Variants in CSNK2A2IP observed in about 807,000 individuals in gnomAD.
CSNK2A2IP encodes casein kinase 2 subunit alpha' interacting protein.
chr3:88,358,134 G>A, the CSNK2A2IP span, among the ~76,000 whole-genome samples: 1 of 152,108 alleles, frequency 6.6e-6, no homozygotes, highest in Non-Finnish European at 1.5e-5. Flanking sequence ...TTCCTTTCCA[G>A]ATTGTTTACT....
chr3:88,340,323 G>A, the CSNK2A2IP span, among the ~76,000 whole-genome samples: 1 of 152,034 alleles, frequency 6.6e-6, no homozygotes, highest in Non-Finnish European at 1.5e-5. Flanking sequence ...TGTTAACACT[G>A]CTTCTGTGAT....
the CSNK2A2IP span, among the ~76,000 whole-genome samples, chr3:88,394,934 T>G: frequency 1.3e-5 from 2 of 152,190 alleles, no homozygotes; most frequent in African/African-American, 4.8e-5. Flanking sequence ...AATTGAGTAC[T>G]GGGCTTAACA....
the CSNK2A2IP span, among the ~76,000 whole-genome samples, chr3:88,426,506 T>C: frequency 6.6e-6 from 1 of 152,242 alleles, no homozygotes; most frequent in African/African-American, 2.4e-5. Context: ...GGTTTGGCTC[T>C]GTGTTCGCAC....
At chr3:88,444,035 A>G in the CSNK2A2IP span, among the ~76,000 whole-genome samples, 1 of 152,108 alleles carries the variant, frequency 6.6e-6, no homozygotes, top group Non-Finnish European at 1.5e-5. Flanking sequence ...ATAGTCACAG[A>G]TAATATTTTT....
chr3:88,458,155 T>G, the CSNK2A2IP span, among the ~76,000 whole-genome samples: 1 of 137,560 alleles, frequency 7.3e-6, no homozygotes, highest in Non-Finnish European at 1.6e-5. Flanking sequence ...TTTTTTTTTT[T>G]TTTTTTTTTT....
the CSNK2A2IP span, among the ~76,000 whole-genome samples, chr3:88,356,192 G>A: frequency 2.3e-4 from 35 of 151,826 alleles, no homozygotes; most frequent in Middle Eastern, 3.2e-3. Flanking sequence ...AACTTATTTC[G>A]TCTATCTAAC....
At chr3:88,432,730 T>C in the CSNK2A2IP span, among the ~76,000 whole-genome samples, 1 of 150,914 alleles carries the variant, frequency 6.6e-6, no homozygotes, top group Non-Finnish European at 1.5e-5. Flanking sequence ...CTTGAAATCT[T>C]AGCAATAATT....
At chr3:88,423,120 T>G in the CSNK2A2IP span, among the ~76,000 whole-genome samples, 1 of 152,202 alleles carries the variant, frequency 6.6e-6, no homozygotes, top group Non-Finnish European at 1.5e-5. Context: ...TCTTAGATGT[T>G]ATGTCCAGAT....
At chr3:88,461,184 C>A in the CSNK2A2IP span, among the ~76,000 whole-genome samples, 1 of 152,026 alleles carries the variant, frequency 6.6e-6, no homozygotes, top group Non-Finnish European at 1.5e-5. Flanking sequence ...AACTATATTA[C>A]GATTTATTTA....
At chr3:88,441,816 A>G in the CSNK2A2IP span, among the ~76,000 whole-genome samples, 1 of 152,172 alleles carries the variant, frequency 6.6e-6, no homozygotes, top group Non-Finnish European at 1.5e-5. Context: ...TCTTTAAGAA[A>G]CTAATCACAA....
chr3:88,451,897 A>G, the CSNK2A2IP span, among the ~76,000 whole-genome samples: 2 of 151,966 alleles, frequency 1.3e-5, no homozygotes, highest in South Asian at 4.2e-4. Context: ...AATCTTTATA[A>G]TTTTATACCT....
the CSNK2A2IP span, among the ~76,000 whole-genome samples, chr3:88,451,182 A>C: frequency 6.6e-6 from 1 of 152,118 alleles, no homozygotes; most frequent in African/African-American, 2.4e-5. Flanking sequence ...GTCCTAAAAA[A>C]GGGGGAAATT....
the CSNK2A2IP span, among the ~76,000 whole-genome samples, chr3:88,348,750 C>T: frequency 6.6e-6 from 1 of 151,920 alleles, no homozygotes; most frequent in African/African-American, 2.4e-5. Flanking sequence ...CAACAAAGTC[C>T]TTTTTACTAG....
chr3:88,457,295 G>T, the CSNK2A2IP span, among the ~76,000 whole-genome samples: 1 of 152,080 alleles, frequency 6.6e-6, no homozygotes, highest in Admixed American at 6.6e-5. Flanking sequence ...TTATGAATTT[G>T]GGGGAAGTGT....
At chr3:88,464,441 G>A in the CSNK2A2IP span, among the ~76,000 whole-genome samples, 1 of 151,562 alleles carries the variant, frequency 6.6e-6, no homozygotes, top group African/African-American at 2.4e-5. Context: ...ACTATATTAG[G>A]GTGAGAGCAA....
chr3:88,434,490 C>T, the CSNK2A2IP span, among the ~76,000 whole-genome samples: 2 of 152,088 alleles, frequency 1.3e-5, no homozygotes, highest in Non-Finnish European at 2.9e-5. Flanking sequence ...TAGGCAAAGT[C>T]AGAAAAATAG....
the CSNK2A2IP span, among the ~76,000 whole-genome samples, chr3:88,443,296 T>A: frequency 6.6e-6 from 1 of 152,188 alleles, no homozygotes; most frequent in African/African-American, 2.4e-5. Context: ...CTCAAGTACT[T>A]AAAATTGTTG....
At chr3:88,341,658 C>A in the CSNK2A2IP span, among the ~76,000 whole-genome samples, 214 of 151,842 alleles carry the variant, frequency 1.4e-3, 1 homozygote, top group Non-Finnish European at 2.3e-3. Context: ...TTGATTGTAT[C>A]CAGAATTATG....
At chr3:88,372,663 A>C in the CSNK2A2IP span, among the ~76,000 whole-genome samples, 790 of 151,558 alleles carry the variant, frequency 5.2e-3, 9 homozygotes, top group African/African-American at 0.018. Context: ...ACAAACTTCA[A>C]TCAATAGAGA....
Sources: gnomAD v4.1 joint callset for allele counts (sites outside exome capture counted in the v4.1 genomes callset) on GRCh38, gnomAD v4.1.1 for gene constraint, MANE v1.5 for transcripts, NCBI Gene and HGNC (gene_info 2026-07-23, HGNC 2026-07-21) for gene names.